The following CADM1 variants were observed in gnomAD, a reference collection of about 807,000 sequenced individuals.
CADM1 encodes the protein TSLC-1.
In CADM1, 15 loss-of-function variants were observed where a neutral mutation model predicts 53.1. The observed-to-expected ratio is 0.28, with a 90% CI of 0.19 to 0.44. The LOEUF (loss-of-function observed/expected upper bound fraction) is 0.44, where lower values mean the gene tolerates loss of function less well. Among genes scored for constraint, CADM1 ranks in the 20% least tolerant of loss-of-function variants. CADM1 has a pLI of 1.00. For missense variants in CADM1, 434 were observed against 611.3 expected (o/e 0.71, Z 3.06); for synonymous variants, 281 against 243.0 (o/e 1.16, Z -1.45).
At chr11:115,190,466 C>T (rs1363531444) in intron 10 of CADM1, 1 of 164,284 alleles carries the variant, frequency 6.1e-6, no homozygotes, top group African/African-American at 2.4e-5. Flanking sequence ...TTCTAGTCCC[C>T]TCCACAGAAG....
intron 1 of CADM1, among the ~76,000 whole-genome samples, chr11:115,423,025 G>A (rs1379850584): frequency 1.5e-5 from 2 of 132,850 alleles, no homozygotes; most frequent in Non-Finnish European, 3.6e-5. Context: ...AAAACGCTAC[G>A]GTCTGTTTTT....
chr11:115,501,908 T>C (rs569821033), intron 1 of CADM1, among the ~76,000 whole-genome samples: 4 of 152,182 alleles, frequency 2.6e-5, no homozygotes, highest in South Asian at 4.2e-4. Flanking sequence ...CCACGAAATA[T>C]ATATATATGC....
chr11:115,504,233 G>A (rs1949800841), intron 1 of CADM1, 38 bp downstream of exon 1: 1 of 1,561,760 alleles, frequency 6.4e-7, no homozygotes, highest in Non-Finnish European at 8.7e-7. Flanking sequence ...GGGTGCCTTC[G>A]GAGATTTAGG....
chr11:115,366,779 T>G (rs1054615360), intron 1 of CADM1, among the ~76,000 whole-genome samples: 2 of 152,032 alleles, frequency 1.3e-5, no homozygotes, highest in Admixed American at 1.3e-4. Flanking sequence ...ATATATGACT[T>G]GAGTTACTCA....
At chr11:115,385,340 G>A (rs1946673778) in intron 1 of CADM1, among the ~76,000 whole-genome samples, 1 of 152,094 alleles carries the variant, frequency 6.6e-6, no homozygotes, top group Non-Finnish European at 1.5e-5. Flanking sequence ...TGAGTACAAT[G>A]CTAAAAATAT....
rs568926822 is a variant in CADM1 at position 115,398,331 on chromosome 11, G to A, written c.124+105940C>T. ...TGTGCAATGAACTGTAGTCTCCCTT[G>A]GCCCCAGCATCTCCTTAGAGAGGAA... On this transcript the variant is annotated intron_variant, in intron 1 of 11. Coordinates refer to ENST00000331581, the MANE Select transcript of CADM1 (RefSeq NM_001301043.2). Among the ~76,000 whole-genome samples the A allele has an allele frequency of 6.6e-5, 10 of 152,278 alleles. No individual in the cohort carries two copies. In the East Asian group the frequency reaches 1.9e-3, roughly 29 times the overall value.
rs551915122 is a variant in CADM1 at position 115,392,856 on chromosome 11, TTC to T, written c.124+111413_124+111414del. Among the ~76,000 whole-genome samples, 21 of 151,610 alleles carry T rather than the reference TTC, an allele frequency of 1.4e-4. No homozygotes were observed. In the East Asian group the frequency reaches 3.7e-3, roughly 27 times the overall value. ...GAAAGCAGTATTTACAATAGCAAAA[TTC>T]TGGAAAAATCTAGAGGATTAAAAGT... On this transcript the variant is annotated intron_variant, in intron 1 of 11. Transcript: ENST00000331581.
At position 115,300,752 on chromosome 11, in the gene CADM1, C is replaced by T. The variant is rs186852555; in HGVS notation, c.125-60332G>A. Among the ~76,000 whole-genome samples the T allele has an allele frequency of 1.8e-3, 269 of 152,204 alleles. 1 individual carries two copies. The Middle Eastern group carries it at 0.037, about 21-fold the overall frequency. ...AAAACGAGCACATGGAGGGCTGCTT[C>T]CTCATAGTTTCACCATGATCATCAC... On this transcript the variant is annotated intron_variant, in intron 1 of 11. Transcript: ENST00000331581.
At chr11:115,248,366 C>T (rs1397267521) in intron 1 of CADM1, among the ~76,000 whole-genome samples, 1 of 152,154 alleles carries the variant, frequency 6.6e-6, no homozygotes, top group African/African-American at 2.4e-5. Context: ...ACTTTTTAAT[C>T]AGGGCCCACA....
chr11:115,189,483 G>A (rs959679646), intron 10 of CADM1, among the ~76,000 whole-genome samples: 12 of 152,030 alleles, frequency 7.9e-5, no homozygotes, highest in South Asian at 4.2e-4. Context: ...TTTTCTTTAC[G>A]GTCAACCAGA....
Position 115,174,641 on chromosome 11 carries a change from TC to T in CADM1, c.*1832del, listed in dbSNP as rs961583741. 26 of 984,712 alleles carry T rather than the reference TC, an allele frequency of 2.6e-5. 1 individual carries two copies. In the African/African-American group the frequency reaches 4.2e-4, roughly 16 times the overall value. The allele number at this position is 984,712 out of a possible 1,614,324, so 61.0% of individuals were successfully genotyped here. A position where few individuals can be genotyped will look rare whatever the true frequency, so the allele number is the denominator to read the frequency against. On this transcript the variant is annotated 3_prime_UTR_variant, in exon 12 of 12. Transcript: ENST00000331581. ...CAAATAACAAAGAGTTGACACTTTT[TC>T]CCCCTTAAATAAATCAGCATAAGTT...
chr11:115,490,586 G>T (rs1949473208), intron 1 of CADM1, among the ~76,000 whole-genome samples: 1 of 151,928 alleles, frequency 6.6e-6, no homozygotes, highest in African/African-American at 2.4e-5. Flanking sequence ...TTTCAGTAGA[G>T]ACAGGGTTTC....
intron 1 of CADM1, among the ~76,000 whole-genome samples, chr11:115,471,474 T>C (rs1949009604): frequency 6.6e-6 from 1 of 152,138 alleles, no homozygotes; most frequent in South Asian, 2.1e-4. Flanking sequence ...GGCTGAGCAA[T>C]GGAAGTGGGC....
intron 1 of CADM1, among the ~76,000 whole-genome samples, chr11:115,384,812 T>C (rs1946660065): frequency 6.6e-6 from 1 of 152,220 alleles, no homozygotes; most frequent in Non-Finnish European, 1.5e-5. Flanking sequence ...AATGTTTTCA[T>C]TTTAAACAAT....
chr11:115,178,524 G>A, intron 11 of CADM1, 120 bp downstream of exon 11: 1 of 735,764 alleles, frequency 1.4e-6, no homozygotes, highest in Non-Finnish European at 2.4e-6. Context: ...TCCAGTTTCA[G>A]GAATCAGATA....
chr11:115,495,367 A>G (rs770191425), intron 1 of CADM1, among the ~76,000 whole-genome samples: 4 of 152,172 alleles, frequency 2.6e-5, no homozygotes, highest in Admixed American at 6.5e-5. Context: ...AAGATAATCA[A>G]CTTTTAAAAT....
chr11:115,313,178 T>C (rs17442179), intron 1 of CADM1, among the ~76,000 whole-genome samples: 4,455 of 152,280 alleles, frequency 0.029, 104 homozygotes, highest in Non-Finnish European at 0.044. Flanking sequence ...ACAGTGATTA[T>C]GCCTTCTGGG....
At chr11:115,333,840 C>T (rs997578587) in intron 1 of CADM1, among the ~76,000 whole-genome samples, 42 of 152,214 alleles carry the variant, frequency 2.8e-4, no homozygotes, top group Non-Finnish European at 4.3e-4. Flanking sequence ...CATCAGAGTG[C>T]AGCTGTCCCT....
intron 1 of CADM1, among the ~76,000 whole-genome samples, chr11:115,464,495 T>C (rs962277970): frequency 4.6e-5 from 7 of 152,192 alleles, no homozygotes; most frequent in Admixed American, 2.6e-4. Context: ...AAGGCCAGAC[T>C]AACCCACAAT....
Sources: gnomAD v4.1 joint callset for allele counts (sites outside exome capture counted in the v4.1 genomes callset) on GRCh38, gnomAD v4.1.1 for gene constraint, MANE v1.5 for transcripts, NCBI Gene and HGNC (gene_info 2026-07-23, HGNC 2026-07-21) for gene names.